ARHGAP24: variants seen among roughly 807,000 people sequenced by gnomAD.
ARHGAP24 encodes the protein rho GTPase-activating protein 24.
A neutral mutation model predicts 76.4 loss-of-function variants in ARHGAP24; 50 were observed. The observed-to-expected ratio is 0.65, with a 90% CI of 0.52 to 0.83. The LOEUF (loss-of-function observed/expected upper bound fraction) is 0.83, where lower values mean the gene tolerates loss of function less well. Ranked by LOEUF, ARHGAP24 falls within the 40% of genes least tolerant of loss-of-function variation. The pLI is 0.00. For missense variants in ARHGAP24, 930 were observed against 914.2 expected (o/e 1.02, Z -0.22); for synonymous variants, 345 against 323.3 (o/e 1.07, Z -0.72).
intron 2 of ARHGAP24, among the ~76,000 whole-genome samples, chr4:85,627,213 T>G (rs904468924): frequency 6.6e-6 from 1 of 152,178 alleles, no homozygotes; most frequent in Non-Finnish European, 1.5e-5. Flanking sequence ...TTTATCTACC[T>G]TTGGTCTTTG....
At chr4:85,516,586 G>A (rs1236873144) in intron 1 of ARHGAP24, among the ~76,000 whole-genome samples, 2 of 149,772 alleles carry the variant, frequency 1.3e-5, no homozygotes, top group African/African-American at 2.5e-5. Flanking sequence ...AAATTTGTAT[G>A]TATTTTTTTA....
intron 3 of ARHGAP24, among the ~76,000 whole-genome samples, chr4:85,785,687 C>T (rs1255006189): frequency 1.3e-5 from 2 of 152,136 alleles, no homozygotes; most frequent in African/African-American, 2.4e-5. Flanking sequence ...CATTTTTTGA[C>T]ACCAGGCTGC....
At chr4:85,672,679 T>C (rs1335680200) in intron 2 of ARHGAP24, among the ~76,000 whole-genome samples, 2 of 152,162 alleles carry the variant, frequency 1.3e-5, no homozygotes, top group Non-Finnish European at 2.9e-5. Context: ...AGGAAGAAGC[T>C]GGTTGTGTGG....
intron 2 of ARHGAP24, among the ~76,000 whole-genome samples, chr4:85,700,487 A>T (rs182381719): frequency 1.5e-4 from 23 of 152,214 alleles, no homozygotes; most frequent in African/African-American, 5.5e-4. Context: ...GAGGAAAGTC[A>T]AACGTAACTT....
At chr4:85,522,214 A>G (rs547418929) in intron 1 of ARHGAP24, among the ~76,000 whole-genome samples, 3 of 152,166 alleles carry the variant, frequency 2.0e-5, no homozygotes, top group Non-Finnish European at 2.9e-5. Context: ...GCTTCATTGA[A>G]CTTTGGTTTA....
chr4:85,936,637 A>G (rs16996015), intron 4 of ARHGAP24, among the ~76,000 whole-genome samples: 3,279 of 152,296 alleles, frequency 0.022, 135 homozygotes, highest in African/African-American at 0.076. Context: ...TGACTAGTCC[A>G]GCACAGGTTA....
chr4:86,000,804 T>C lies in ARHGAP24; in HGVS notation c.*82T>C, dbSNP rs1050582171. The C allele has an allele frequency of 1.3e-6, 2 of 1,584,284 alleles. No homozygotes were observed. The highest frequency in any genetic ancestry group is 1.3e-5 in the African/African-American group (1 of 74,184). On this transcript the variant is annotated 3_prime_UTR_variant, in exon 10 of 10. Coordinates refer to ENST00000395184, the MANE Select transcript of ARHGAP24 (RefSeq NM_001025616.3). ...GGGATATGACTTAGAACCAGGTGGC[T>C]GGTCACCTGGATGTACAGAAGTCTA...
At chr4:85,624,870 T>A (rs137932147) in intron 2 of ARHGAP24, among the ~76,000 whole-genome samples, 1 of 152,042 alleles carries the variant, frequency 6.6e-6, no homozygotes, top group South Asian at 2.1e-4. Flanking sequence ...TAGAGGTGTT[T>A]GCAGTATTCT....
intron 8 of ARHGAP24, 54 bp downstream of exon 8, chr4:85,977,745 G>T: frequency 6.3e-7 from 1 of 1,596,820 alleles, no homozygotes; most frequent in South Asian, 1.1e-5. Flanking sequence ...ATTATCTCTT[G>T]ACTGGCCAGA....
chr4:85,635,772 C>A (rs1257419176), intron 2 of ARHGAP24, among the ~76,000 whole-genome samples: 1 of 151,808 alleles, frequency 6.6e-6, no homozygotes, highest in Admixed American at 6.6e-5. Context: ...TATTTTGTTT[C>A]TTTTCATAGG....
At chr4:85,752,480 T>C (rs929477167) in intron 3 of ARHGAP24, among the ~76,000 whole-genome samples, 20 of 146,962 alleles carry the variant, frequency 1.4e-4, no homozygotes, top group African/African-American at 5.0e-4. Context: ...AAAAAAAAAC[T>C]CAAATACTGT....
At chr4:85,611,124 T>G (rs1201227669) in intron 2 of ARHGAP24, among the ~76,000 whole-genome samples, 1 of 152,196 alleles carries the variant, frequency 6.6e-6, no homozygotes, top group African/African-American at 2.4e-5. Flanking sequence ...TACACATAAC[T>G]ATTTCATCTA....
intron 3 of ARHGAP24, among the ~76,000 whole-genome samples, chr4:85,878,168 A>G (rs928509355): frequency 1.3e-5 from 2 of 152,124 alleles, no homozygotes; most frequent in Non-Finnish European, 2.9e-5. Flanking sequence ...AGAAAAACAG[A>G]GAGTTAGATT....
At chr4:85,890,842 G>T (rs1395838819) in intron 3 of ARHGAP24, among the ~76,000 whole-genome samples, 1 of 152,128 alleles carries the variant, frequency 6.6e-6, no homozygotes, top group African/African-American at 2.4e-5. Flanking sequence ...TTTAATCTAT[G>T]ACAATAGCAC....
At chr4:85,702,717 G>A (rs1028452442) in intron 2 of ARHGAP24, among the ~76,000 whole-genome samples, 17 of 152,200 alleles carry the variant, frequency 1.1e-4, no homozygotes, top group Admixed American at 5.9e-4. Context: ...GAGTTTTGAT[G>A]TCCTGTAATG....
Position 85,923,734 on chromosome 4 carries a change from T to C in ARHGAP24, c.355T>C (p.Ser119Pro), listed in dbSNP as rs368109508. 1 of 1,613,930 alleles carries C rather than the reference T, an allele frequency of 6.2e-7. No homozygotes were observed. Among genetic ancestry groups the C allele is most frequent in the Non-Finnish European group, 8.5e-7 (1 of 1,179,948 alleles). Residue 119 changes from serine to proline, a missense_variant, in exon 4 of 10, where the codon TCA becomes CCA. Transcript: ENST00000395184. ...GAATGATATGGAAGACTGGGTGAAGTCAATCCGCCGAGTCATATGGGGACC... is the reference window on the plus strand; with the variant it reads ...GAATGATATGGAAGACTGGGTGAAGCCAATCCGCCGAGTCATATGGGGACC... ...TQNDMEDWVKSIRRVIWGPFG... is the reference protein window; with the variant it reads ...TQNDMEDWVKPIRRVIWGPFG...
At chr4:85,875,598 AT>A (rs1267435403) in intron 3 of ARHGAP24, among the ~76,000 whole-genome samples, 4 of 110,104 alleles carry the variant, frequency 3.6e-5, no homozygotes, top group Middle Eastern at 4.8e-3. Flanking sequence ...TTTATATTAT[AT>A]TTTTATATTA....
intron 1 of ARHGAP24, among the ~76,000 whole-genome samples, chr4:85,506,382 A>T (rs1724048357): frequency 1.3e-5 from 2 of 152,196 alleles, no homozygotes; most frequent in South Asian, 4.1e-4. Flanking sequence ...TACCTTGCTG[A>T]GCTGTGGTGG....
chr4:85,871,177 T>C (rs1732505007), intron 3 of ARHGAP24, among the ~76,000 whole-genome samples: 1 of 152,112 alleles, frequency 6.6e-6, no homozygotes, highest in Non-Finnish European at 1.5e-5. Flanking sequence ...CATTACTCTC[T>C]AGGGGTAGGA....
Sources: gnomAD v4.1 joint callset for allele counts (sites outside exome capture counted in the v4.1 genomes callset) on GRCh38, gnomAD v4.1.1 for gene constraint, MANE v1.5 for transcripts, NCBI Gene and HGNC (gene_info 2026-07-23, HGNC 2026-07-21) for gene names.